The following ADAMTS3 variants were observed in gnomAD, a reference collection of about 807,000 sequenced individuals.
ADAMTS3 encodes A disintegrin and metalloproteinase with thrombospondin motifs 3.
A neutral mutation model predicts 129.0 loss-of-function variants in ADAMTS3; 73 were observed. The observed-to-expected ratio is 0.57, with a 90% confidence interval of 0.47 to 0.69. ADAMTS3 has a LOEUF of 0.69. Ranked by LOEUF, ADAMTS3 falls within the 30% of genes least tolerant of loss-of-function variation. ADAMTS3 has a pLI of 0.00. For synonymous variants in ADAMTS3, 477 were observed against 510.8 expected, an observed-to-expected ratio of 0.93 and a Z score of 0.89; for missense variants, 1,457 against 1,514.5, an observed-to-expected ratio of 0.96 and a Z score of 0.63.
At chr4:72,299,424 T>C (rs945199600) in intron 17 of ADAMTS3, among the ~76,000 whole-genome samples, 1 of 152,212 alleles carries the variant, frequency 6.6e-6, no homozygotes. Flanking sequence ...AAAATTGTTA[T>C]GTATTATTGT....
intron 3 of ADAMTS3, among the ~76,000 whole-genome samples, chr4:72,450,133 A>C (rs1376695980): frequency 6.6e-6 from 1 of 151,678 alleles, no homozygotes; most frequent in Non-Finnish European, 1.5e-5. Context: ...TATGACACTA[A>C]TAATCTTGGT....
intron 3 of ADAMTS3, among the ~76,000 whole-genome samples, chr4:72,508,529 A>G (rs1054549788): frequency 6.6e-6 from 1 of 152,146 alleles, no homozygotes; most frequent in African/African-American, 2.4e-5. Flanking sequence ...TCCAAGAAAA[A>G]GAAGAGTTAG....
At chr4:72,391,768 A>G (rs1280879226) in intron 4 of ADAMTS3, among the ~76,000 whole-genome samples, 1 of 152,204 alleles carries the variant, frequency 6.6e-6, no homozygotes, top group Non-Finnish European at 1.5e-5. Context: ...CAAAACCCAC[A>G]ATATGGTTTC....
At chr4:72,515,104 C>T (rs934056775) in intron 3 of ADAMTS3, among the ~76,000 whole-genome samples, 10 of 152,122 alleles carry the variant, frequency 6.6e-5, no homozygotes, top group Admixed American at 1.3e-4. Flanking sequence ...TTTGTCCTTG[C>T]GATAGTTTGC....
rs972657578 is a variant in ADAMTS3, at chr4:72,381,052, A to G, written c.661+33763T>C. 2.0e-5 allele frequency among the ~76,000 whole-genome samples: 3 copies of G among 152,130 alleles called. No individual in the cohort carries two copies. The East Asian group carries it at 5.8e-4, about 29-fold the overall frequency. On this transcript the variant is annotated intron_variant, in intron 4 of 21. Transcript: ENST00000286657. Reference sequence around the variant, plus strand: ...TTTTAATAGAAGTCCAGGTCAAAGCAAACAAACAAAAAAGTTCTTCAGGTT... The same window carrying G: ...TTTTAATAGAAGTCCAGGTCAAAGCGAACAAACAAAAAAGTTCTTCAGGTT...
chr4:72,463,317 C>A (rs148630732), intron 3 of ADAMTS3, among the ~76,000 whole-genome samples: 330 of 152,132 alleles, frequency 2.2e-3, no homozygotes, highest in Admixed American at 4.0e-3. Context: ...ATATCCTCCA[C>A]ATTAAGCAAG....
At chr4:72,515,294 A>T (rs1720435990) in intron 3 of ADAMTS3, among the ~76,000 whole-genome samples, 1 of 151,182 alleles carries the variant, frequency 6.6e-6, no homozygotes, top group Admixed American at 6.6e-5. Context: ...CGCAATAAAC[A>T]TACATGTGCA....
intron 4 of ADAMTS3, among the ~76,000 whole-genome samples, chr4:72,354,009 C>T (rs1366519667): frequency 6.6e-6 from 1 of 151,880 alleles, no homozygotes; most frequent in Admixed American, 6.6e-5. Context: ...ACAAAATCAC[C>T]TATTCATATA....
At chr4:72,433,120 A>T (rs1722737886) in intron 3 of ADAMTS3, among the ~76,000 whole-genome samples, 1 of 152,078 alleles carries the variant, frequency 6.6e-6, no homozygotes, top group East Asian at 2.0e-4. Context: ...TATGATGGAA[A>T]AAACAAGCTT....
chr4:72,479,301 A>G (rs1336529820), intron 3 of ADAMTS3, among the ~76,000 whole-genome samples: 1 of 152,218 alleles, frequency 6.6e-6, no homozygotes, highest in African/African-American at 2.4e-5. Flanking sequence ...CTATACTACA[A>G]GGCTACAGTC....
chr4:72,509,446 T>C (rs1578745426), intron 3 of ADAMTS3, among the ~76,000 whole-genome samples: 1 of 150,008 alleles, frequency 6.7e-6, no homozygotes, highest in East Asian at 1.9e-4. Flanking sequence ...TTACAACAAA[T>C]AGTGCAGAAA....
Position 72,291,009 on chromosome 4 carries a change from T to G in ADAMTS3, c.2777A>C (p.Tyr926Ser). 2 of 1,614,048 alleles carry G rather than the reference T, an allele frequency of 1.2e-6. No individual in the cohort carries two copies. The highest frequency in any genetic ancestry group is 1.7e-6 in the Non-Finnish European group (2 of 1,179,962). ...AAGGCAGCGTACAGTGCGAAGCTGA[T>G]AGCCAGAACTTCCACAGGTTTTGGT... Reference protein sequence around the residue: ...HCTKTCGSSGYQLRTVRCLQP... With the variant: ...HCTKTCGSSGSQLRTVRCLQP... Residue 926 changes from tyrosine to serine, a missense_variant, in exon 20 of 22, where the codon TAT (tyrosine) becomes TCT (serine). By Grantham distance (144) the Tyr-to-Ser change is moderately radical. Coordinates refer to ENST00000286657, the MANE Select transcript of ADAMTS3 (RefSeq NM_014243.3).
intron 2 of ADAMTS3, among the ~76,000 whole-genome samples, chr4:72,565,163 T>C (rs1407776619): frequency 6.6e-6 from 1 of 152,200 alleles, no homozygotes; most frequent in Non-Finnish European, 1.5e-5. Context: ...CAACTTGTGG[T>C]TTATTACTCA....
intron 16 of ADAMTS3, among the ~76,000 whole-genome samples, chr4:72,305,218 C>T (rs973546249): frequency 6.6e-6 from 1 of 151,862 alleles, no homozygotes; most frequent in African/African-American, 2.4e-5. Context: ...ATGTAATCGT[C>T]TCATAAAAGA....
At chr4:72,395,929 A>C (rs1252551589) in intron 4 of ADAMTS3, among the ~76,000 whole-genome samples, 1 of 152,178 alleles carries the variant, frequency 6.6e-6, no homozygotes, top group Non-Finnish European at 1.5e-5. Flanking sequence ...AGAAGCAGGA[A>C]AACAGTTTAG....
intron 3 of ADAMTS3, among the ~76,000 whole-genome samples, chr4:72,476,500 C>T (rs1719237096): frequency 6.6e-6 from 1 of 152,002 alleles, no homozygotes; most frequent in Non-Finnish European, 1.5e-5. Flanking sequence ...AAGGAATGTC[C>T]AGGCCCAGAT....
intron 3 of ADAMTS3, among the ~76,000 whole-genome samples, chr4:72,469,549 C>T (rs932303746): frequency 6.6e-6 from 1 of 152,130 alleles, no homozygotes; most frequent in Non-Finnish European, 1.5e-5. Context: ...TTATTGCTAT[C>T]TAATCCCTCA....
rs546597642 is a variant in ADAMTS3, at chr4:72,372,420, A to T, written c.662-32727T>A. ...TATTATTACATATCCTGAAGATAGA[A>T]GTACATCATAAATAATGCCAATTAA... On this transcript the variant is annotated intron_variant, in intron 4 of 21. Transcript: ENST00000286657. 1.8e-4 allele frequency among the ~76,000 whole-genome samples: 27 copies of T among 152,224 alleles called. No individual in the cohort carries two copies. The South Asian group carries it at 5.4e-3, about 30-fold the overall frequency.
chr4:72,490,360 T>C (rs1411559658), intron 3 of ADAMTS3, among the ~76,000 whole-genome samples: 1 of 151,946 alleles, frequency 6.6e-6, no homozygotes, highest in African/African-American at 2.4e-5. Flanking sequence ...TTGATGTAAA[T>C]TCATTTGTCT....
Sources: gnomAD v4.1 joint callset for allele counts (sites outside exome capture counted in the v4.1 genomes callset) on GRCh38, gnomAD v4.1.1 for gene constraint, MANE v1.5 for transcripts, NCBI Gene and HGNC (gene_info 2026-07-23, HGNC 2026-07-21) for gene names.